The following CBFA2T3 variants were observed in gnomAD, a reference collection of about 807,000 sequenced individuals.
CBFA2T3 encodes the protein transcriptional corepressor CBFA2T3.
In CBFA2T3, 31 loss-of-function variants were observed where a neutral mutation model predicts 58.6. That is an observed-to-expected ratio of 0.53 (90% confidence interval 0.40 to 0.71). The LOEUF (loss-of-function observed/expected upper bound fraction) is 0.71. Among genes scored for constraint, CBFA2T3 ranks in the 30% least tolerant of loss-of-function variants. CBFA2T3 has a pLI of 0.00. For synonymous variants in CBFA2T3, 531 were observed against 421.9 expected (o/e 1.26, Z -3.17); for missense variants, 1,076 against 963.1 (o/e 1.12, Z -1.55).
At chr16:88,899,033 C>T (rs943059941) in intron 2 of CBFA2T3, among the ~76,000 whole-genome samples, 1 of 152,054 alleles carries the variant, frequency 6.6e-6, no homozygotes, top group African/African-American at 2.4e-5. Context: ...GGAGCTTGGT[C>T]TGGGTCCCTG....
At chr16:88,951,536 C>T in intron 1 of CBFA2T3, 1 of 364,776 alleles carries the variant, frequency 2.7e-6, no homozygotes, top group South Asian at 2.1e-5. Flanking sequence ...ACCTGCAGTA[C>T]AAAATCAGGG....
intron 1 of CBFA2T3, among the ~76,000 whole-genome samples, chr16:88,927,315 C>T (rs901207241): frequency 6.6e-6 from 1 of 152,236 alleles, no homozygotes; most frequent in Non-Finnish European, 1.5e-5. Flanking sequence ...AGCACTGATG[C>T]CCCCGCTGAG....
chr16:88,929,126 A>G (rs1304283663), intron 1 of CBFA2T3, among the ~76,000 whole-genome samples: 1 of 152,190 alleles, frequency 6.6e-6, no homozygotes, highest in Non-Finnish European at 1.5e-5. Flanking sequence ...GAAACCAGGT[A>G]CAGAATCTGG....
chr16:88,975,464 G>A (rs1172170691), intron 1 of CBFA2T3, among the ~76,000 whole-genome samples: 1 of 152,258 alleles, frequency 6.6e-6, no homozygotes, highest in Non-Finnish European at 1.5e-5. Flanking sequence ...GGTCGGAAGG[G>A]TCTGAACCAT....
intron 1 of CBFA2T3, among the ~76,000 whole-genome samples, chr16:88,914,633 C>T (rs954494194): frequency 1.3e-5 from 2 of 152,204 alleles, no homozygotes; most frequent in African/African-American, 4.8e-5. Flanking sequence ...GGCTTAAGCC[C>T]AGAGCCCCTA....
chr16:88,940,520 C>T (rs575583642), intron 1 of CBFA2T3, among the ~76,000 whole-genome samples: 1 of 152,350 alleles, frequency 6.6e-6, no homozygotes, highest in South Asian at 2.1e-4. Context: ...GTCAGGACCC[C>T]AGGGACCGCA....
At position 88,892,246 on chromosome 16, in the gene CBFA2T3, C is replaced by A. The variant is rs1969665663; in HGVS notation, c.619G>T (p.Val207Leu). Residue 207 changes from valine (V) to leucine (L), a missense_variant and splice_region_variant, in exon 4 of 12, where the codon GTG becomes TTG. Coordinates refer to ENST00000268679, the MANE Select transcript of CBFA2T3 (RefSeq NM_005187.6). ...ERVRTLVLGL[V>L]NSTLTIEEFH... is the part of the protein sequence containing the mutation. ...CCGGCTGTCCCTGCCCAACTCACCA[C>A]CAGGCCCAGCACCAGTGTGCGCACG... 2.5e-6 allele frequency: 4 copies of A among 1,607,914 alleles called. No homozygotes were observed. Among genetic ancestry groups the A allele is most frequent in the Non-Finnish European group, 3.4e-6 (4 of 1,178,560 alleles).
intron 1 of CBFA2T3, among the ~76,000 whole-genome samples, chr16:88,902,827 G>A (rs967313633): frequency 3.3e-5 from 5 of 152,124 alleles, no homozygotes; most frequent in African/African-American, 1.2e-4. Flanking sequence ...GGACTGCCCC[G>A]CACCCTGCTC....
chr16:88,949,050 T>C (rs969349783), intron 1 of CBFA2T3, among the ~76,000 whole-genome samples: 1 of 152,174 alleles, frequency 6.6e-6, no homozygotes, highest in Non-Finnish European at 1.5e-5. Flanking sequence ...CTTACTTCAC[T>C]TGGAAAAATA....
At chr16:88,908,913 C>T (rs767823388) in intron 1 of CBFA2T3, among the ~76,000 whole-genome samples, 2 of 152,222 alleles carry the variant, frequency 1.3e-5, no homozygotes, top group South Asian at 2.1e-4. Context: ...TTCGTGCCCC[C>T]GAAAGTCTAG....
Position 88,879,273 on chromosome 16 carries a change from G to T in CBFA2T3, c.1659C>A (p.Ser553Arg). The T allele has an allele frequency of 1.9e-6, 3 of 1,591,348 alleles. No individual in the cohort carries two copies. Among genetic ancestry groups the T allele is most frequent in the South Asian group, 1.1e-5 (1 of 90,600 alleles). ...LTVINQQEDS[S>R]ESCWNCGRKA... ...CAGCGTGGCCGGGTGGCCCTACCTC[G>T]CTGGAGTCCTCCTGCTGGTTGATGA... The change falls in exon 11 of 12, where the codon AGC (serine) becomes AGA (arginine). Residue 553 changes from serine to arginine, a missense_variant. Transcript: ENST00000268679.
intron 1 of CBFA2T3, among the ~76,000 whole-genome samples, chr16:88,930,978 C>A (rs1971281287): frequency 6.6e-6 from 1 of 151,930 alleles, no homozygotes. Flanking sequence ...TGAAGTGACA[C>A]TATAACTCCA....
chr16:88,930,062 C>T (rs1242678837), intron 1 of CBFA2T3, among the ~76,000 whole-genome samples: 10 of 147,246 alleles, frequency 6.8e-5, no homozygotes, highest in Admixed American at 6.0e-4. Context: ...GCATCGTCCA[C>T]GCAAAAGCTA....
intron 3 of CBFA2T3, among the ~76,000 whole-genome samples, chr16:88,895,117 C>T (rs1381923397): frequency 2.0e-5 from 3 of 152,210 alleles, no homozygotes; most frequent in Non-Finnish European, 2.9e-5. Flanking sequence ...TGCGTCCCCA[C>T]AGCTGGGGCT....
intron 2 of CBFA2T3, among the ~76,000 whole-genome samples, chr16:88,900,432 G>A (rs1418811509): frequency 6.6e-6 from 1 of 152,246 alleles, no homozygotes; most frequent in Non-Finnish European, 1.5e-5. Flanking sequence ...AGCCTCAGCG[G>A]CAGAGCCAGG....
intron 3 of CBFA2T3, among the ~76,000 whole-genome samples, chr16:88,893,906 A>G (rs1969755146): frequency 1.3e-5 from 2 of 152,168 alleles, no homozygotes; most frequent in Non-Finnish European, 2.9e-5. Flanking sequence ...CAGGCTCTGA[A>G]GGCAGGTCAG....
chr16:88,896,439 C>T (rs1969889860), intron 3 of CBFA2T3, among the ~76,000 whole-genome samples: 1 of 152,200 alleles, frequency 6.6e-6, no homozygotes, highest in Admixed American at 6.5e-5. Flanking sequence ...TATTCTGGGG[C>T]TTTCCCTCTT....
rs142648025 is a variant in CBFA2T3, at chr16:88,885,748, C to T, written c.893+213G>A. ...CTCCTCCCTGTCCTCCTAGGCTCCC[C>T]GGAGCATCTGAGTCTGCAGCCCACT... On this transcript the variant is annotated intron_variant, in intron 6 of 11. Transcript: ENST00000268679. The surrounding 1 kb of genome is among the most constrained non-coding windows in gnomAD (Gnocchi z 5.3). The T allele has an allele frequency of 2.3e-5, 13 of 570,138 alleles. No individual in the cohort carries two copies. The highest frequency in any genetic ancestry group is 3.2e-5 in the Admixed American group (1 of 31,644). 35.3% of individuals were successfully genotyped at this position (570,138 alleles called of 1,614,324 possible). A position where few individuals can be genotyped will look rare whatever the true frequency, so the allele number is the denominator to read the frequency against.
At chr16:88,904,300 C>T (rs1970218556) in intron 1 of CBFA2T3, among the ~76,000 whole-genome samples, 1 of 152,066 alleles carries the variant, frequency 6.6e-6, no homozygotes, top group Non-Finnish European at 1.5e-5. Context: ...CTGCAGATAT[C>T]GACGACTCAT....
Sources: allele counts gnomAD v4.1 joint callset (sites outside exome capture counted in the v4.1 genomes callset), GRCh38; gene constraint gnomAD v4.1.1; non-coding constraint Gnocchi (gnomAD v3.1); transcripts MANE v1.5; gene names NCBI Gene and HGNC (gene_info 2026-07-23, HGNC 2026-07-21).